TCEA2: variants seen among roughly 807,000 people sequenced by gnomAD.
TCEA2 encodes the protein transcription elongation factor A protein 2.
TCEA2 carries 21 observed loss-of-function variants against 40.8 expected under a neutral mutation model. The ratio of observed to expected loss-of-function variants is 0.51; its 90% CI spans 0.36 to 0.74. The LOEUF (loss-of-function observed/expected upper bound fraction) is 0.74, where lower values mean the gene tolerates loss of function less well. Ranked by LOEUF, TCEA2 falls within the 30% of genes least tolerant of loss-of-function variation. The pLI is 0.00. For missense variants in TCEA2, 326 were observed against 426.5 expected (o/e 0.76, Z 2.08); for synonymous variants, 165 against 162.7 (o/e 1.01, Z -0.11).
At chr20:64,068,179 C>T (rs2059741089) in intron 4 of TCEA2, 45 bp downstream of exon 4, 4 of 1,527,656 alleles carry the variant, frequency 2.6e-6, no homozygotes, top group East Asian at 2.3e-5. Context: ...GCTTCCCAGC[C>T]TGTTTCCTTG....
At chr20:64,061,092 G>C (rs2059554417), upstream of TCEA2, among the ~76,000 whole-genome samples, 1 of 104,768 alleles carries the variant, frequency 9.5e-6, no homozygotes, top group Non-Finnish European at 1.9e-5. Flanking sequence ...CGCCCAGCCT[G>C]AGTCTTTTTT....
rs764320825 is a variant in TCEA2 at position 64,070,601 on chromosome 20, G to A, written c.785G>A (p.Gly262Asp). Residue 262 changes from glycine to aspartate, a missense_variant, in exon 8 of 10, where the codon GGC (glycine) becomes GAC (aspartate). Physicochemically the swap from Gly to Asp is moderately conservative, Grantham distance 94. Coordinates refer to ENST00000343484, the MANE Select transcript of TCEA2 (RefSeq NM_003195.6). ...GGTQTDLFTC[G>D]KCRKKNCTYT... is the part of the protein sequence containing the mutation. Reference sequence around the variant, plus strand: ...ACGCAGACAGACCTGTTCACCTGCGGCAAGTGCAGGAAAAAGAACTGCACC... The same window carrying A: ...ACGCAGACAGACCTGTTCACCTGCGACAAGTGCAGGAAAAAGAACTGCACC... 1 of 1,611,256 alleles carries A rather than the reference G, an allele frequency of 6.2e-7. No homozygotes were observed. The highest frequency in any genetic ancestry group is 1.1e-5 in the South Asian group (1 of 90,792).
At chr20:64,061,571 G>C (rs763921175), upstream of TCEA2, among the ~76,000 whole-genome samples, 5 of 149,914 alleles carry the variant, frequency 3.3e-5, no homozygotes, top group Admixed American at 1.3e-4. Flanking sequence ...CACCATGCCC[G>C]GTCTAATTTT....
chr20:64,071,092 G>A (rs979488151), intron 8 of TCEA2, among the ~76,000 whole-genome samples: 1 of 152,178 alleles, frequency 6.6e-6, no homozygotes, highest in Non-Finnish European at 1.5e-5. Flanking sequence ...GCTCACATCT[G>A]TAATCCCAGC....
rs1284616606 is a variant in TCEA2, at chr20:64,068,146, G to A, written c.329+12G>A. 1 of 1,603,534 alleles carries A rather than the reference G, an allele frequency of 6.2e-7. No homozygotes were observed. The highest frequency in any genetic ancestry group is 1.7e-5 in the Admixed American group (1 of 59,024). ...GCCCCGGATCCCAGGTAGCACACCT[G>A]GAAGGCAGGTGCACACACTTCTGCT... On this transcript the variant is annotated intron_variant, in intron 4 of 9. Coordinates refer to ENST00000343484, the MANE Select transcript of TCEA2 (RefSeq NM_003195.6).
In TCEA2 at chr20:64,069,611, G is replaced by C. The variant is rs777190129; in HGVS notation, c.460+120G>C. 1.2e-5 allele frequency: 19 copies of C among 1,540,886 alleles called. No individual in the cohort carries two copies. The Admixed American group carries it at 2.2e-4, about 18-fold the overall frequency. On this transcript the variant is annotated intron_variant, in intron 5 of 9. Transcript: ENST00000343484. Reference sequence around the variant, plus strand: ...GACTGTCCTCCCCCAGCCCATTGCTGTGGCCCTGGCAGGGGCTAGGGGCCT... The same window carrying C: ...GACTGTCCTCCCCCAGCCCATTGCTCTGGCCCTGGCAGGGGCTAGGGGCCT...
At chr20:64,067,973 G>A in intron 3 of TCEA2, 74 bp from the exon 4 acceptor site, 6 of 1,186,418 alleles carry the variant, frequency 5.1e-6, no homozygotes, top group Non-Finnish European at 7.2e-6. Flanking sequence ...GGCTGAGGCT[G>A]TACCTTGGTG....
chr20:64,070,172 C>A, intron 6 of TCEA2, 88 bp from the exon 7 acceptor site: 3 of 1,566,942 alleles, frequency 1.9e-6, no homozygotes, highest in Non-Finnish European at 2.6e-6. Context: ...ACCTTTCCAG[C>A]CCCCACCCCA....
upstream of TCEA2, chr20:64,063,041 TA>T: frequency 4.2e-6 from 1 of 239,614 alleles, no homozygotes. Context: ...GGGTCAGGAC[TA>T]CACTTCCCAG....
rs1316275658 is a variant in TCEA2, at chr20:64,070,262, A to G, written c.520A>G (p.Ile174Val). ...GTGGGTCCTTAAAACACTTGCACGC[A>G]TCTTCCGGGACGTTGGAAACACAGA... is the stretch of plus-strand genomic sequence containing the variant. ...ERLSAQIEEC[I>V]FRDVGNTDMK... Residue 174 changes from isoleucine (I) to valine (V), a missense_variant and splice_region_variant, in exon 7 of 10, where the codon ATC (isoleucine) becomes GTC (valine). Physicochemically the swap from Ile to Val is conservative, Grantham distance 29. Coordinates refer to ENST00000343484, the MANE Select transcript of TCEA2 (RefSeq NM_003195.6). The G allele has an allele frequency of 1.9e-6, 3 of 1,614,162 alleles. No individual in the cohort carries two copies. Among genetic ancestry groups the G allele is most frequent in the East Asian group, 2.2e-5 (1 of 44,892 alleles).
At chr20:64,063,538 C>T (rs551389504) in intron 1 of TCEA2, 154 bp downstream of exon 1, 1 of 900,122 alleles carries the variant, frequency 1.1e-6, no homozygotes, top group South Asian at 1.7e-5. Context: ...AGACCCCCAC[C>T]CGTGGCCGAG....
chr20:64,056,227 C>T (rs1337049546), upstream of TCEA2, among the ~76,000 whole-genome samples: 1 of 152,144 alleles, frequency 6.6e-6, no homozygotes, highest in Admixed American at 6.5e-5. Context: ...TGGCTCTTCC[C>T]ATTCTACAGA....
intron 1 of TCEA2, chr20:64,064,085 A>G (rs1393564600): frequency 6.6e-6 from 1 of 152,188 alleles, no homozygotes; most frequent in African/African-American, 2.4e-5. Flanking sequence ...CCCACCCCAC[A>G]AGAACCAGGT....
Position 64,069,449 on chromosome 20 carries a change from A to G in TCEA2, c.418A>G (p.Asn140Asp). ...GCCTGTCACCTGTGATGCCGTGCGC[A>G]ACAAGTGCCGCGAGATGCTGACCGC... Reference protein sequence around the residue: ...PVPVTCDAVRNKCREMLTAAL... With the variant: ...PVPVTCDAVRDKCREMLTAAL... Residue 140 changes from asparagine to aspartate, a missense_variant, in exon 5 of 10, where the codon AAC becomes GAC. Coordinates refer to ENST00000343484, the MANE Select transcript of TCEA2 (RefSeq NM_003195.6). 1 of 1,613,444 alleles carries G rather than the reference A, an allele frequency of 6.2e-7. No individual in the cohort carries two copies. The highest frequency in any genetic ancestry group is 8.5e-7 in the Non-Finnish European group (1 of 1,179,956).
upstream of TCEA2, among the ~76,000 whole-genome samples, chr20:64,061,750 G>A (rs1413047798): frequency 1.3e-5 from 2 of 151,200 alleles, no homozygotes; most frequent in African/African-American, 2.4e-5. Context: ...CTTTTGAGAC[G>A]GAGTCTCGCT....
intron 1 of TCEA2, 166 bp downstream of exon 1, chr20:64,063,550 C>T (rs1601580864): frequency 1.3e-6 from 1 of 789,962 alleles, no homozygotes; most frequent in Non-Finnish European, 2.0e-6. Context: ...GTGGCCGAGA[C>T]CCCTGCCCCG....
At chr20:64,055,650 AT>A (rs2059466069), upstream of TCEA2, among the ~76,000 whole-genome samples, 1 of 152,020 alleles carries the variant, frequency 6.6e-6, no homozygotes, top group African/African-American at 2.4e-5. The surrounding 1 kb of genome is among the most constrained non-coding windows in gnomAD (Gnocchi z 4.0). Context: ...AGGGTCTTGC[AT>A]TTTCTGAGTG....
upstream of TCEA2, among the ~76,000 whole-genome samples, chr20:64,056,410 G>A (rs2059473851): frequency 1.3e-5 from 2 of 152,182 alleles, no homozygotes; most frequent in South Asian, 4.1e-4. Context: ...GCCTGGGTGG[G>A]GTCCACTGGG....
At chr20:64,064,756 G>C (rs1166678093) in intron 1 of TCEA2, among the ~76,000 whole-genome samples, 1 of 152,174 alleles carries the variant, frequency 6.6e-6, no homozygotes, top group Non-Finnish European at 1.5e-5. Context: ...ACTCATTCCT[G>C]CTGGGTGCAG....
Sources: gnomAD v4.1 joint callset for allele counts (sites outside exome capture counted in the v4.1 genomes callset) on GRCh38, gnomAD v4.1.1 for gene constraint, Gnocchi (gnomAD v3.1) non-coding constraint, MANE v1.5 for transcripts, NCBI Gene and HGNC (gene_info 2026-07-23, HGNC 2026-07-21) for gene names.